Variants in ELL2 observed in about 807,000 individuals in gnomAD.
ELL2 encodes RNA polymerase II elongation factor ELL2.
Under a neutral mutation model 72.8 loss-of-function variants are expected in ELL2, and 21 were observed. The observed-to-expected ratio is 0.29, with a 90% CI of 0.20 to 0.42. The LOEUF is 0.42. Ranked by LOEUF, ELL2 falls within the 10% of genes least tolerant of loss-of-function variation. The probability of loss-of-function intolerance (pLI) is 1.00; values close to 1 mark genes in which losing one functional copy is unlikely to be tolerated. For synonymous variants in ELL2, 266 were observed against 283.2 expected, an observed-to-expected ratio of 0.94 and a Z score of 0.61; for missense variants, 568 against 772.8, an observed-to-expected ratio of 0.73 and a Z score of 3.14.
At chr5:95,915,268 A>T (rs139063806) in intron 3 of ELL2, among the ~76,000 whole-genome samples, 6,574 of 152,130 alleles carry the variant, frequency 0.043, 251 homozygotes, top group African/African-American at 0.091. Flanking sequence ...ATGCCCAGCT[A>T]ATTTTTGTAT....
At chr5:95,922,185 C>T (rs1206381534) in intron 2 of ELL2, among the ~76,000 whole-genome samples, 2 of 152,130 alleles carry the variant, frequency 1.3e-5, no homozygotes, top group Non-Finnish European at 2.9e-5. Context: ...GCCTCAGCCT[C>T]CCAAGTAGCT....
chr5:95,945,535 C>T (rs1193254816), intron 1 of ELL2, among the ~76,000 whole-genome samples: 1 of 152,140 alleles, frequency 6.6e-6, no homozygotes, highest in Non-Finnish European at 1.5e-5. Context: ...AGTGTGGGGG[C>T]ATAATCCCTC....
Position 95,961,713 on chromosome 5 carries a change from C to G in ELL2, c.9G>C (p.Ala3=), listed in dbSNP as rs982391246. The change falls in exon 1 of 12, where the codon GCG becomes GCC. Residue 3 remains alanine, a synonymous_variant. Coordinates refer to ENST00000237853, the MANE Select transcript of ELL2 (RefSeq NM_012081.6). ...CCTCCCGCAGGCCCCCTGTCCCCCC[C>G]GCCGCCATCTTAAACTCCCCGGGGT... The part of the protein sequence containing the change: MA[A]GGTGGLREEQ... The G allele has an allele frequency of 3.1e-6, 5 of 1,605,070 alleles. No individual in the cohort carries two copies. The highest frequency in any genetic ancestry group is 4.2e-6 in the Non-Finnish European group (5 of 1,177,032).
intron 1 of ELL2, among the ~76,000 whole-genome samples, chr5:95,945,034 C>A (rs1055914083): frequency 6.6e-6 from 1 of 152,148 alleles, no homozygotes; most frequent in Non-Finnish European, 1.5e-5. Flanking sequence ...TCCATTTCAT[C>A]CTGGAGGCTC....
intron 2 of ELL2, among the ~76,000 whole-genome samples, chr5:95,931,090 A>T (rs967383161): frequency 1.3e-5 from 2 of 151,428 alleles, no homozygotes; most frequent in Non-Finnish European, 2.9e-5. Context: ...TCTTTTACAA[A>T]CGGATGAAAA....
intron 2 of ELL2, among the ~76,000 whole-genome samples, chr5:95,920,931 C>T (rs1750051116): frequency 6.6e-6 from 1 of 152,130 alleles, no homozygotes. Context: ...CACTAACTTG[C>T]TGCTTAGCGT....
intron 1 of ELL2, among the ~76,000 whole-genome samples, chr5:95,956,607 G>T (rs1751635940): frequency 6.6e-6 from 1 of 151,940 alleles, no homozygotes; most frequent in South Asian, 2.1e-4. Flanking sequence ...AATATGGGCA[G>T]GCAAAAAAAG....
chr5:95,958,143 G>T (rs1751686435), intron 1 of ELL2, among the ~76,000 whole-genome samples: 1 of 152,184 alleles, frequency 6.6e-6, no homozygotes, highest in South Asian at 2.1e-4. Context: ...CAGGAATGGT[G>T]GCGGACAGTT....
chr5:95,938,763 A>G (rs766302787), intron 2 of ELL2, among the ~76,000 whole-genome samples: 67 of 152,290 alleles, frequency 4.4e-4, no homozygotes, highest in Non-Finnish European at 7.2e-4. Flanking sequence ...TGTTATGTAA[A>G]ACTATTTTCT....
At chr5:95,914,348 C>T (rs966061866) in intron 3 of ELL2, among the ~76,000 whole-genome samples, 8 of 152,002 alleles carry the variant, frequency 5.3e-5, no homozygotes, top group East Asian at 1.9e-4. Context: ...CTAGTTGAAA[C>T]GGACTCACCA....
At chr5:95,900,593 A>G in intron 7 of ELL2, 100 bp downstream of exon 7, 1 of 890,390 alleles carries the variant, frequency 1.1e-6, no homozygotes, top group Non-Finnish European at 1.6e-6. Flanking sequence ...CAAGCTGTCC[A>G]GCTTCTCCGG....
At chr5:95,941,652 A>G (rs1338515864) in intron 2 of ELL2, among the ~76,000 whole-genome samples, 1 of 152,216 alleles carries the variant, frequency 6.6e-6, no homozygotes, top group Non-Finnish European at 1.5e-5. Context: ...GCTCCTAGTA[A>G]GAGAAATGCA....
At chr5:95,919,325 A>G in intron 3 of ELL2, 99 bp downstream of exon 3, 3 of 1,385,186 alleles carry the variant, frequency 2.2e-6, no homozygotes, top group Non-Finnish European at 2.9e-6. Flanking sequence ...AATTTAATAC[A>G]CGTTTATGGA....
At chr5:95,932,942 G>A (rs1185892949) in intron 2 of ELL2, among the ~76,000 whole-genome samples, 1 of 152,150 alleles carries the variant, frequency 6.6e-6, no homozygotes, top group Non-Finnish European at 1.5e-5. Flanking sequence ...ATAAAGGAAT[G>A]AAAAACTCAA....
At chr5:95,920,849 A>G (rs1263052233) in intron 2 of ELL2, among the ~76,000 whole-genome samples, 1 of 152,254 alleles carries the variant, frequency 6.6e-6, no homozygotes, top group Non-Finnish European at 1.5e-5. Context: ...GCAGACAAGT[A>G]GGGAAGGGAA....
At chr5:95,935,645 T>C (rs1750747893) in intron 2 of ELL2, among the ~76,000 whole-genome samples, 1 of 152,118 alleles carries the variant, frequency 6.6e-6, no homozygotes, top group Admixed American at 6.5e-5. Flanking sequence ...GGCAGCTCCA[T>C]TCTGATAGAA....
At chr5:95,923,376 G>T (rs1381617890) in intron 2 of ELL2, among the ~76,000 whole-genome samples, 1 of 152,032 alleles carries the variant, frequency 6.6e-6, no homozygotes. Flanking sequence ...AACCACCTCT[G>T]TCCTCACCTC....
intron 2 of ELL2, among the ~76,000 whole-genome samples, chr5:95,934,223 C>G (rs1353261075): frequency 6.6e-6 from 1 of 152,142 alleles, no homozygotes; most frequent in African/African-American, 2.4e-5. Flanking sequence ...AATAAGATAT[C>G]CATAACATAC....
intron 4 of ELL2, among the ~76,000 whole-genome samples, chr5:95,912,391 T>C (rs1260171335): frequency 6.6e-6 from 1 of 152,202 alleles, no homozygotes; most frequent in Non-Finnish European, 1.5e-5. Context: ...CACAACAATT[T>C]GCCTCACTGT....
Sources: gnomAD v4.1 joint callset for allele counts (sites outside exome capture counted in the v4.1 genomes callset) on GRCh38, gnomAD v4.1.1 for gene constraint, MANE v1.5 for transcripts, NCBI Gene and HGNC (gene_info 2026-07-23, HGNC 2026-07-21) for gene names.